The following SART1 variants were observed in gnomAD, a reference collection of about 807,000 sequenced individuals.
The protein encoded by SART1 is U4/U6.U5 tri-snRNP-associated protein 1.
SART1 carries 28 observed loss-of-function variants against 105.0 expected under a neutral mutation model. The ratio of observed to expected loss-of-function variants is 0.27; its 90% CI spans 0.20 to 0.37. The LOEUF (loss-of-function observed/expected upper bound fraction) is 0.37. SART1 is among the 10% of genes least tolerant of loss of function. SART1 has a pLI of 1.00. For missense variants in SART1, 894 were observed against 1,106.5 expected (o/e 0.81, Z 2.72); for synonymous variants, 472 against 462.9 (o/e 1.02, Z -0.25).
At chr11:65,970,283 A>C (rs1260038500) in intron 12 of SART1, among the ~76,000 whole-genome samples, 1 of 152,166 alleles carries the variant, frequency 6.6e-6, no homozygotes, top group Non-Finnish European at 1.5e-5. Context: ...AAGCCCATAA[A>C]TGCTGTAAAA....
Position 65,973,954 on chromosome 11 carries a change from C to T in SART1, c.1573-2441C>T, listed in dbSNP as rs544769879. ...ATGTGCTAAAGCCATGAAGACAAGC[C>T]GGTGAGTCATGACCATGGATGGGGA... is the stretch of plus-strand genomic sequence containing the variant. On this transcript the variant is annotated intron_variant, in intron 12 of 19. Transcript: ENST00000312397. Among the ~76,000 whole-genome samples the T allele has an allele frequency of 7.9e-5, 12 of 152,082 alleles. No homozygotes were observed. The South Asian group carries it at 2.3e-3, about 29-fold the overall frequency.
chr11:65,968,412 G>A (rs1487773692), intron 12 of SART1, among the ~76,000 whole-genome samples: 1 of 152,170 alleles, frequency 6.6e-6, no homozygotes, highest in Non-Finnish European at 1.5e-5. Flanking sequence ...ATAGCCATGG[G>A]GCCCTGGGCT....
rs773752878 is a variant in SART1 at position 65,965,023 on chromosome 11, G to T, written c.428-69G>T. 9 of 1,510,656 alleles carry T rather than the reference G, an allele frequency of 6.0e-6. No homozygotes were observed. The South Asian group carries it at 1.2e-4, about 20-fold the overall frequency. The allele number at this position is 1,510,656 out of a possible 1,614,324, so 93.6% of individuals were successfully genotyped here. On this transcript the variant is annotated intron_variant, in intron 3 of 19. Transcript: ENST00000312397. ...GCCCCCTGAGCTGGAAGGGGGCAGGGTGAGTGGCTCCCTCCTCTCCCCACC... is the reference window on the plus strand; with the variant it reads ...GCCCCCTGAGCTGGAAGGGGGCAGGTTGAGTGGCTCCCTCCTCTCCCCACC...
At position 65,967,698 on chromosome 11, in the gene SART1, G is replaced by GC. The variant is rs35056344; in HGVS notation, c.1451dup (p.Ser486ValfsTer58). On this transcript the variant is annotated frameshift_variant, in exon 12 of 20. Coordinates refer to ENST00000312397, the MANE Select transcript of SART1 (RefSeq NM_005146.5). LOFTEE classifies it high-confidence loss of function. ...CCCCAGAGGAAGGTGGAGCTCCACC[G>GC]CCGGGGTCCCCGCAGGTGCTGGAGG... 6.4e-7 allele frequency: 1 copy of GC among 1,565,188 alleles called. No individual in the cohort carries two copies. Among genetic ancestry groups the GC allele is most frequent in the Non-Finnish European group, 8.7e-7 (1 of 1,154,808 alleles).
chr11:65,965,613 C>G (rs1855234477), intron 5 of SART1, 89 bp from the exon 6 acceptor site: 2 of 1,429,340 alleles, frequency 1.4e-6, no homozygotes, highest in Non-Finnish European at 1.9e-6. Flanking sequence ...AAGGCCTGCC[C>G]TTTTTGCACT....
rs144123570 is a variant in SART1 at position 65,965,123 on chromosome 11, T to C, written c.459T>C (p.Ala153=). 2.5e-6 allele frequency: 4 copies of C among 1,591,402 alleles called. No individual in the cohort carries two copies. In the African/African-American group the frequency reaches 4.1e-5, roughly 16 times the overall value. ...GCACCAAGGAGGAGCCCGTGACAGC[T>C]GATGTCATCAACCCTATGGCCTTGC... The part of the protein sequence containing the change: ...EAGTKEEPVT[A]DVINPMALRQ... Residue 153 remains alanine (A), a synonymous_variant, in exon 4 of 20, where the codon GCT becomes GCC. Coordinates refer to ENST00000312397, the MANE Select transcript of SART1 (RefSeq NM_005146.5).
At chr11:65,962,528 G>T (rs957549576) in intron 1 of SART1, among the ~76,000 whole-genome samples, 1 of 152,154 alleles carries the variant, frequency 6.6e-6, no homozygotes, top group Non-Finnish European at 1.5e-5. Flanking sequence ...ATCGTGTAGG[G>T]CGCATGGTAG....
intron 12 of SART1, among the ~76,000 whole-genome samples, chr11:65,972,974 T>A (rs1855410091): frequency 6.6e-6 from 1 of 151,958 alleles, no homozygotes. Flanking sequence ...GATGAGACCA[T>A]CCTGGTCAAC....
Position 65,979,367 on chromosome 11 carries a change from T to C in SART1, c.*337T>C, listed in dbSNP as rs987070955. ...GCCTCGGGGGCTGCACAGGTCACTG[T>C]CCTGTAATGTCTCCCGGTCAGGGCA... is the stretch of plus-strand genomic sequence containing the variant. On this transcript the variant is annotated 3_prime_UTR_variant, in exon 20 of 20. Coordinates refer to ENST00000312397, the MANE Select transcript of SART1 (RefSeq NM_005146.5). The C allele has an allele frequency of 3.5e-5, 15 of 425,702 alleles. No individual in the cohort carries two copies. In the East Asian group the frequency reaches 3.9e-4, roughly 11 times the overall value. The allele number at this position is 425,702 out of a possible 1,614,324, so 26.4% of individuals were successfully genotyped here. A position where few individuals can be genotyped will look rare whatever the true frequency, so the allele number is the denominator to read the frequency against.
intron 12 of SART1, among the ~76,000 whole-genome samples, chr11:65,973,054 G>C (rs1372085673): frequency 6.6e-6 from 1 of 152,046 alleles, no homozygotes; most frequent in Non-Finnish European, 1.5e-5. Context: ...GGCACCTGTA[G>C]TCCCAGCTAC....
chr11:65,975,727 C>G (rs527822267), intron 12 of SART1, among the ~76,000 whole-genome samples: 2 of 152,168 alleles, frequency 1.3e-5, no homozygotes, highest in South Asian at 2.1e-4. Flanking sequence ...CATAGTGACT[C>G]GAACCTTCAC....
At chr11:65,968,138 C>T (rs1217826537) in intron 12 of SART1, among the ~76,000 whole-genome samples, 5 of 151,918 alleles carry the variant, frequency 3.3e-5, no homozygotes, top group East Asian at 1.9e-4. Flanking sequence ...TTAGTAGAGA[C>T]GGGGTTTCAC....
rs375789520 is a variant in SART1 at position 65,978,962 on chromosome 11, C to T, written c.2384+48C>T. 1.8e-5 allele frequency: 29 copies of T among 1,612,046 alleles called. No homozygotes were observed. The highest frequency in any genetic ancestry group is 3.3e-4 in the Middle Eastern group (2 of 5,980). On this transcript the variant is annotated intron_variant, in intron 19 of 19. Transcript: ENST00000312397. The surrounding 1 kb of genome is among the most constrained non-coding windows in gnomAD (Gnocchi z 6.8). ...GGTAGGGTGTGGTGGGGAGGGGTGG[C>T]GTGGCCTGTGCCCGCCTCTGCAGCC...
intron 12 of SART1, among the ~76,000 whole-genome samples, chr11:65,970,017 C>A (rs530143514): frequency 1.3e-5 from 2 of 152,198 alleles, no homozygotes; most frequent in African/African-American, 4.8e-5. Context: ...CCACCACACC[C>A]GGCCACCTAG....
At chr11:65,977,202 C>T (rs756060421) in intron 15 of SART1, 101 bp downstream of exon 15, 67 of 835,746 alleles carry the variant, frequency 8.0e-5, no homozygotes, top group Non-Finnish European at 1.3e-4. Context: ...TTCTCTCAGT[C>T]CCAATGCTGG....
At position 65,968,528 on chromosome 11, in the gene SART1, T is replaced by C. The variant is rs1855308398; in HGVS notation, c.1572+707T>C. Among the ~76,000 whole-genome samples the C allele has an allele frequency of 1.3e-5, 2 of 152,040 alleles. 1 individual carries two copies. The highest frequency in any genetic ancestry group is 1.3e-4 in the Admixed American group (2 of 15,252). ...ATGGTGGTGGGAGCTGGGCACTCAG[T>C]AAACCAAGATAACGTGCCGGGGGTT... On this transcript the variant is annotated intron_variant, in intron 12 of 19. Coordinates refer to ENST00000312397, the MANE Select transcript of SART1 (RefSeq NM_005146.5).
rs1230047307 is a variant in SART1 at position 65,977,874 on chromosome 11, C to T, written c.2147C>T (p.Thr716Met). ...GTTAAGATCGAATACGTGGATGAGA[C>T]GGGCCGGAAACTCACACCCAAGGAG... Reference protein sequence around the residue: ...PDVKIEYVDETGRKLTPKEAF... With the variant: ...PDVKIEYVDEMGRKLTPKEAF... The change falls in exon 17 of 20, where the codon ACG becomes ATG. Residue 716 changes from threonine (T) to methionine (M), a missense_variant. Transcript: ENST00000312397. The T allele has an allele frequency of 1.2e-6, 2 of 1,612,990 alleles. No homozygotes were observed. Among genetic ancestry groups the T allele is most frequent in the East Asian group, 2.2e-5 (1 of 44,758 alleles).
intron 11 of SART1, 39 bp downstream of exon 11, chr11:65,967,625 G>A: frequency 6.2e-7 from 1 of 1,603,188 alleles, no homozygotes; most frequent in Non-Finnish European, 8.5e-7. Context: ...GCAGGGACAG[G>A]AGCCGCGGGT....
chr11:65,964,334 G>T, intron 2 of SART1, 181 bp from the exon 3 acceptor site: 1 of 846,812 alleles, frequency 1.2e-6, no homozygotes. Flanking sequence ...CGCAGACCAG[G>T]CTGGTGCCCA....
Sources: gnomAD v4.1 joint callset for allele counts (sites outside exome capture counted in the v4.1 genomes callset) on GRCh38, gnomAD v4.1.1 for gene constraint, Gnocchi (gnomAD v3.1) non-coding constraint, MANE v1.5 for transcripts, NCBI Gene and HGNC (gene_info 2026-07-23, HGNC 2026-07-21) for gene names.